Variants in KCNMB2 observed in about 807,000 individuals in gnomAD.
The protein encoded by KCNMB2 is calcium-activated potassium channel subunit beta-2.
KCNMB2 carries 9 observed loss-of-function variants against 24.5 expected under a neutral mutation model. The ratio of observed to expected loss-of-function variants is 0.37; its 90% confidence interval spans 0.22 to 0.64. KCNMB2 has a LOEUF of 0.64. Among genes scored for constraint, KCNMB2 ranks in the 30% least tolerant of loss-of-function variants. KCNMB2 has a pLI of 0.63. For synonymous variants in KCNMB2, 109 were observed against 104.4 expected, an observed-to-expected ratio of 1.04 and a Z score of -0.27; for missense variants, 226 against 284.3, an observed-to-expected ratio of 0.79 and a Z score of 1.47.
chr3:178,709,917 G>A (rs2108348706), intron 1 of KCNMB2, among the ~76,000 whole-genome samples: 1 of 152,172 alleles, frequency 6.6e-6, no homozygotes, highest in East Asian at 1.9e-4. Flanking sequence ...TATGGATAAG[G>A]TCCCTGTGCA....
chr3:178,540,754 A>G (rs1715591322), intron 1 of KCNMB2, among the ~76,000 whole-genome samples: 2 of 151,296 alleles, frequency 1.3e-5, no homozygotes, highest in Non-Finnish European at 2.9e-5. Context: ...TTCAAATCAC[A>G]CCCCTTTGTA....
chr3:178,798,180 G>A (rs1468240750), intron 1 of KCNMB2, among the ~76,000 whole-genome samples: 1 of 152,116 alleles, frequency 6.6e-6, no homozygotes, highest in Admixed American at 6.5e-5. Flanking sequence ...TGTTGAATAG[G>A]AGTGGTGAGA....
intron 1 of KCNMB2, among the ~76,000 whole-genome samples, chr3:178,568,805 AG>A (rs1299188349): frequency 3.0e-5 from 2 of 66,556 alleles, no homozygotes; most frequent in African/African-American, 5.6e-5. Flanking sequence ...ATAGATAGAT[AG>A]ATAGATAGAT....
chr3:178,758,006 T>TGG (rs1724224722), intron 1 of KCNMB2, among the ~76,000 whole-genome samples: 3 of 1,580 alleles, frequency 1.9e-3, no homozygotes, highest in Admixed American at 0.014. Context: ...TATCTAGATA[T>TGG]ATATATATAT....
At chr3:178,705,376 G>C (rs181334922) in intron 1 of KCNMB2, among the ~76,000 whole-genome samples, 221 of 152,258 alleles carry the variant, frequency 1.5e-3, no homozygotes, top group African/African-American at 5.0e-3. Context: ...TTGGGGGTAA[G>C]AGATAATATC....
intron 1 of KCNMB2, among the ~76,000 whole-genome samples, chr3:178,743,757 T>C (rs147911686): frequency 9.2e-5 from 14 of 152,360 alleles, no homozygotes; most frequent in African/African-American, 3.4e-4. Flanking sequence ...CATTTACTTC[T>C]ATCTCTGGAG....
At chr3:178,564,662 A>G (rs548268500) in intron 1 of KCNMB2, among the ~76,000 whole-genome samples, 1 of 152,342 alleles carries the variant, frequency 6.6e-6, no homozygotes, top group South Asian at 2.1e-4. Flanking sequence ...TTTCTGCACA[A>G]GAAAACTAGA....
chr3:178,750,534 T>C (rs1723809785), intron 1 of KCNMB2, among the ~76,000 whole-genome samples: 1 of 151,980 alleles, frequency 6.6e-6, no homozygotes, highest in African/African-American at 2.4e-5. Flanking sequence ...GCCTGGTACA[T>C]GGAGTTTCCC....
intron 1 of KCNMB2, among the ~76,000 whole-genome samples, chr3:178,574,769 A>G (rs947654374): frequency 5.3e-5 from 8 of 152,190 alleles, no homozygotes; most frequent in African/African-American, 1.2e-4. Flanking sequence ...CACAATTTAA[A>G]TAAATTAATA....
intron 1 of KCNMB2, among the ~76,000 whole-genome samples, chr3:178,553,508 G>A (rs1396159781): frequency 1.3e-5 from 2 of 151,232 alleles, no homozygotes; most frequent in East Asian, 3.9e-4. Flanking sequence ...TCAGCACTGA[G>A]CATTCTCTGA....
intron 1 of KCNMB2, among the ~76,000 whole-genome samples, chr3:178,781,680 G>A (rs929309065): frequency 7.9e-5 from 12 of 151,936 alleles, no homozygotes; most frequent in African/African-American, 2.4e-4. Flanking sequence ...GATCTGGGAT[G>A]AGGGGTGAGG....
At chr3:178,580,272 C>G (rs1440139580) in intron 1 of KCNMB2, among the ~76,000 whole-genome samples, 1 of 152,132 alleles carries the variant, frequency 6.6e-6, no homozygotes, top group African/African-American at 2.4e-5. Flanking sequence ...TGACAGAAAC[C>G]ACATGATTAT....
intron 1 of KCNMB2, among the ~76,000 whole-genome samples, chr3:178,802,159 G>A (rs1010216792): frequency 1.3e-5 from 2 of 152,134 alleles, no homozygotes; most frequent in Non-Finnish European, 2.9e-5. Context: ...TTCCTAAGGA[G>A]AATATATAAT....
intron 1 of KCNMB2, among the ~76,000 whole-genome samples, chr3:178,739,560 T>C (rs1723427009): frequency 6.6e-6 from 1 of 152,192 alleles, no homozygotes; most frequent in Admixed American, 6.5e-5. Flanking sequence ...CAGATAGAAC[T>C]TAACAGGATA....
chr3:178,838,702 A>T (rs1715322131), intron 4 of KCNMB2, among the ~76,000 whole-genome samples: 1 of 152,096 alleles, frequency 6.6e-6, no homozygotes, highest in Admixed American at 6.6e-5. Context: ...TACTGGTCTA[A>T]ATTTTTCTGA....
intron 2 of KCNMB2, among the ~76,000 whole-genome samples, chr3:178,811,542 G>A (rs193040567): frequency 6.6e-5 from 10 of 152,144 alleles, no homozygotes; most frequent in Admixed American, 2.6e-4. Flanking sequence ...GGCGTGAGTC[G>A]CTGCAGTTCA....
chr3:178,754,777 G>C (rs991093877), intron 1 of KCNMB2, among the ~76,000 whole-genome samples: 1 of 152,212 alleles, frequency 6.6e-6, no homozygotes, highest in African/African-American at 2.4e-5. Context: ...CAGTGGGCTA[G>C]GAACTGAGTG....
At chr3:178,659,291 C>A (rs139504162) in intron 1 of KCNMB2, among the ~76,000 whole-genome samples, 5 of 152,182 alleles carry the variant, frequency 3.3e-5, no homozygotes, top group Admixed American at 1.3e-4. Context: ...TCCAGCCAGA[C>A]AAAACATTTG....
At chr3:178,784,241 C>A (rs11924694) in intron 1 of KCNMB2, among the ~76,000 whole-genome samples, 1 of 151,992 alleles carries the variant, frequency 6.6e-6, no homozygotes, top group African/African-American at 2.4e-5. Flanking sequence ...TGCATCATAG[C>A]AAAACAATTG....
Sources: allele counts gnomAD v4.1 joint callset (sites outside exome capture counted in the v4.1 genomes callset), GRCh38; gene constraint gnomAD v4.1.1; transcripts MANE v1.5; gene names NCBI Gene and HGNC (gene_info 2026-07-23, HGNC 2026-07-21).